Variants in CNTLN observed in about 807,000 individuals in gnomAD.
CNTLN encodes centlein.
In CNTLN, 212 loss-of-function variants were observed where a neutral mutation model predicts 180.0. The observed-to-expected ratio is 1.18, with a 90% CI of 1.05 to 1.32. The LOEUF (loss-of-function observed/expected upper bound fraction) is 1.32. CNTLN is among the 40% of genes most tolerant of loss of function. The pLI is 0.00. For synonymous variants in CNTLN, 722 were observed against 563.1 expected (o/e 1.28, Z -3.99); for missense variants, 2,095 against 1,610.9 (o/e 1.30, Z -5.14).
intron 2 of CNTLN, among the ~76,000 whole-genome samples, chr9:17,146,855 A>G (rs964127782): frequency 6.6e-6 from 1 of 151,778 alleles, no homozygotes; most frequent in Admixed American, 6.6e-5. Context: ...ATAATTTTTT[A>G]ATCTTTCTGA....
At chr9:17,496,409 G>A (rs1416519727) in intron 25 of CNTLN, among the ~76,000 whole-genome samples, 1 of 152,228 alleles carries the variant, frequency 6.6e-6, no homozygotes, top group East Asian at 1.9e-4. Flanking sequence ...TTCTCACATA[G>A]CAGAGTGAGC....
At chr9:17,440,421 C>CA (rs528636729) in intron 18 of CNTLN, among the ~76,000 whole-genome samples, 13,202 of 75,600 alleles carry the variant, frequency 0.17, 734 homozygotes, top group East Asian at 0.26. Context: ...AAATAAAATA[C>CA]AAAAAAAAAA....
At chr9:17,291,661 T>A (rs1472850922) in intron 6 of CNTLN, among the ~76,000 whole-genome samples, 1 of 152,154 alleles carries the variant, frequency 6.6e-6, no homozygotes, top group African/African-American at 2.4e-5. Context: ...TTGCTTGGTA[T>A]ATTTTCCTCC....
chr9:17,337,671 A>G (rs1483346205), intron 10 of CNTLN, among the ~76,000 whole-genome samples: 4 of 152,190 alleles, frequency 2.6e-5, no homozygotes, highest in Non-Finnish European at 5.9e-5. Flanking sequence ...GTTAGTTTCT[A>G]TGGACAATTA....
At chr9:17,216,067 A>G (rs1341952500) in intron 2 of CNTLN, among the ~76,000 whole-genome samples, 1 of 151,980 alleles carries the variant, frequency 6.6e-6, no homozygotes, top group Non-Finnish European at 1.5e-5. Context: ...TCCTGCACCC[A>G]CTATCTGACA....
chr9:17,466,639 G>A (rs1034965903), intron 22 of CNTLN, 67 bp from the exon 23 acceptor site: 3 of 1,281,186 alleles, frequency 2.3e-6, no homozygotes, highest in African/African-American at 1.5e-5. Flanking sequence ...TATTTGACAT[G>A]TATAACTAAC....
chr9:17,173,095 G>A (rs532348546), intron 2 of CNTLN, among the ~76,000 whole-genome samples: 8 of 152,200 alleles, frequency 5.3e-5, no homozygotes, highest in African/African-American at 1.9e-4. Flanking sequence ...CAAAAAGAAC[G>A]AATAGTACAT....
intron 5 of CNTLN, among the ~76,000 whole-genome samples, chr9:17,256,122 T>C (rs1826471193): frequency 6.6e-6 from 1 of 151,986 alleles, no homozygotes; most frequent in African/African-American, 2.4e-5. Context: ...TATTCCATAG[T>C]GTATATGTAT....
intron 6 of CNTLN, among the ~76,000 whole-genome samples, chr9:17,282,745 A>G (rs189550645): frequency 3.3e-5 from 5 of 152,236 alleles, no homozygotes; most frequent in African/African-American, 1.2e-4. Context: ...TCTTTAACCT[A>G]TCTTGAATTG....
intron 14 of CNTLN, among the ~76,000 whole-genome samples, chr9:17,394,045 C>T (rs909478598): frequency 6.6e-6 from 1 of 151,930 alleles, no homozygotes; most frequent in African/African-American, 2.4e-5. Context: ...AAACTGAGGA[C>T]CACATGACTA....
chr9:17,271,516 A>C (rs1156844087), intron 5 of CNTLN, among the ~76,000 whole-genome samples: 2 of 152,170 alleles, frequency 1.3e-5, no homozygotes, highest in African/African-American at 4.8e-5. Context: ...TTGTATACTT[A>C]CTGGAAAACT....
intron 2 of CNTLN, among the ~76,000 whole-genome samples, chr9:17,177,437 T>C (rs2131693365): frequency 6.6e-6 from 1 of 152,244 alleles, no homozygotes; most frequent in East Asian, 1.9e-4. Context: ...TTCAGTTTCT[T>C]GAAGTGGAAA....
chr9:17,137,992 A>G (rs577537974), intron 1 of CNTLN, among the ~76,000 whole-genome samples: 1 of 152,310 alleles, frequency 6.6e-6, no homozygotes, highest in Admixed American at 6.5e-5. Flanking sequence ...TGAGGGAAGA[A>G]AAGCTATCTG....
rs1397890468 is a variant in CNTLN at position 17,463,027 on chromosome 9, A to G, written c.3404+14A>G. On this transcript the variant is annotated intron_variant, in intron 20 of 25. Coordinates refer to ENST00000380647, the MANE Select transcript of CNTLN (RefSeq NM_017738.4). ...AATGCATGAAAAGTATGGTTTTTGT[A>G]TTTCTATCCATTGTATTTGGTGCCA... 15 of 1,500,376 alleles carry G rather than the reference A, an allele frequency of 1.0e-5. No individual in the cohort carries two copies. The highest frequency in any genetic ancestry group is 1.4e-5 in the Non-Finnish European group (15 of 1,097,630). The allele number at this position is 1,500,376 out of a possible 1,614,324, so 92.9% of individuals were successfully genotyped here.
At chr9:17,494,876 CTTTTTTTTTTT>C (rs35224903) in intron 25 of CNTLN, 119 of 273,014 alleles carry the variant, frequency 4.4e-4, no homozygotes, top group South Asian at 2.6e-3. Context: ...CTATACCATA[CTTTTTTTTTTT>C]TTTTTTTTTT....
At chr9:17,305,712 G>A (rs1441590221) in intron 7 of CNTLN, among the ~76,000 whole-genome samples, 1 of 152,110 alleles carries the variant, frequency 6.6e-6, no homozygotes, top group South Asian at 2.1e-4. Flanking sequence ...GTTGAAGGCT[G>A]TTTTAACCAA....
chr9:17,347,712 G>A (rs1822023576), intron 12 of CNTLN, among the ~76,000 whole-genome samples: 1 of 150,240 alleles, frequency 6.7e-6, no homozygotes, highest in African/African-American at 2.4e-5. Flanking sequence ...AAAAGAAAAT[G>A]TATTGAATAC....
intron 13 of CNTLN, among the ~76,000 whole-genome samples, chr9:17,370,473 C>T (rs531367367): frequency 1.3e-5 from 2 of 152,100 alleles, no homozygotes; most frequent in African/African-American, 4.8e-5. Flanking sequence ...CAAAAATATC[C>T]TTCAAACATG....
intron 2 of CNTLN, among the ~76,000 whole-genome samples, chr9:17,205,152 CTG>C (rs1563878526): frequency 6.6e-6 from 1 of 152,134 alleles, no homozygotes; most frequent in Non-Finnish European, 1.5e-5. Flanking sequence ...AAGCTGGGCT[CTG>C]TGGGAGTGAG....
Sources: allele counts gnomAD v4.1 joint callset (sites outside exome capture counted in the v4.1 genomes callset), GRCh38; gene constraint gnomAD v4.1.1; transcripts MANE v1.5; gene names NCBI Gene and HGNC (gene_info 2026-07-23, HGNC 2026-07-21).